Variants in UMPS observed in about 807,000 individuals in gnomAD.
The protein encoded by UMPS is uridine 5'-monophosphate synthase.
Under a neutral mutation model 38.9 loss-of-function variants are expected in UMPS, and 21 were observed. The observed-to-expected ratio is 0.54, with a 90% CI of 0.38 to 0.78. The LOEUF (loss-of-function observed/expected upper bound fraction) is 0.78, where lower values mean the gene tolerates loss of function less well. Among genes scored for constraint, UMPS ranks in the 30% least tolerant of loss-of-function variants. The pLI, the probability that UMPS is intolerant of heterozygous loss-of-function variation, is 0.00. For missense variants in UMPS, 533 were observed against 591.6 expected (o/e 0.90, Z 1.03); for synonymous variants, 208 against 219.3 (o/e 0.95, Z 0.45).
At chr3:124,736,740 G>C (rs1242283205) in intron 2 of UMPS, among the ~76,000 whole-genome samples, 5 of 152,172 alleles carry the variant, frequency 3.3e-5, no homozygotes, top group Admixed American at 2.0e-4. Flanking sequence ...GCAGTCTTGT[G>C]TTCTAGCTTA....
Position 124,744,016 on chromosome 3 carries a change from C to G in UMPS, c.1375C>G (p.Arg459Gly), listed in dbSNP as rs928740792. The G allele has an allele frequency of 1.2e-6, 2 of 1,614,064 alleles. No homozygotes were observed. The highest frequency in any genetic ancestry group is 1.7e-6 in the Non-Finnish European group (2 of 1,180,040). Residue 459 changes from arginine to glycine, a missense_variant, in exon 6 of 6, where the codon CGT becomes GGT. Arg to Gly is a moderately radical substitution (Grantham distance 125). Coordinates refer to ENST00000232607, the MANE Select transcript of UMPS (RefSeq NM_000373.4). ...VGRGIISAAD[R>G]LEAAEMYRKA... Reference sequence around the variant, plus strand: ...TCGTGGCATAATCTCAGCAGCTGATCGTCTGGAAGCAGCAGAGATGTACAG... The same window carrying G: ...TCGTGGCATAATCTCAGCAGCTGATGGTCTGGAAGCAGCAGAGATGTACAG...
rs190423326 is a variant in UMPS at position 124,747,348 on chromosome 3, G to A, written c.*3264G>A. On this transcript the variant is annotated 3_prime_UTR_variant, in exon 6 of 6. Transcript: ENST00000232607. Reference sequence around the variant, plus strand: ...CAGCCACAGGAGAGCCAACAGCAGAGGGTGCTGGCCGCTGAGCTAGCTGCT... The same window carrying A: ...CAGCCACAGGAGAGCCAACAGCAGAAGGTGCTGGCCGCTGAGCTAGCTGCT... 41 of 455,118 alleles carry A rather than the reference G, an allele frequency of 9.0e-5. No homozygotes were observed. Among genetic ancestry groups the A allele is most frequent in the African/African-American group, 6.0e-4 (30 of 50,146 alleles). The allele number at this position is 455,118 out of a possible 1,614,324, so 28.2% of individuals were successfully genotyped here. A position where few individuals can be genotyped will look rare whatever the true frequency, so the allele number is the denominator to read the frequency against.
At position 124,747,047 on chromosome 3, in the gene UMPS, G is replaced by C. The variant is rs2063606992; in HGVS notation, c.*2963G>C. 2.2e-6 allele frequency: 1 copy of C among 453,818 alleles called. No homozygotes were observed. Among genetic ancestry groups the C allele is most frequent in the South Asian group, 1.6e-5 (1 of 64,434 alleles). 28.1% of individuals were successfully genotyped at this position (453,818 alleles called of 1,614,324 possible). A position where few individuals can be genotyped will look rare whatever the true frequency, so the allele number is the denominator to read the frequency against. ...TTTGATACAGGGTCTTCACTCTGTT[G>C]CCCAGGCTGGAGTATATCATGGCTC... On this transcript the variant is annotated 3_prime_UTR_variant, in exon 6 of 6. Transcript: ENST00000232607.
Position 124,746,304 on chromosome 3 carries a change from A to C in UMPS, c.*2220A>C, listed in dbSNP as rs917170767. ...GTAGGTCCTTGTGCCCCACACCATC[A>C]GAGTTTCTGCGTTAGCAGATTTGTG... On this transcript the variant is annotated 3_prime_UTR_variant, in exon 6 of 6. Coordinates refer to ENST00000232607, the MANE Select transcript of UMPS (RefSeq NM_000373.4). The C allele has an allele frequency of 2.2e-6, 1 of 454,060 alleles. No individual in the cohort carries two copies. 28.1% of individuals were successfully genotyped at this position (454,060 alleles called of 1,614,324 possible).
rs1202900513 is a variant in UMPS, at chr3:124,747,587, A to G, written c.*3503A>G. 2 of 452,566 alleles carry G rather than the reference A, an allele frequency of 4.4e-6. No individual in the cohort carries two copies. Among genetic ancestry groups the G allele is most frequent in the Non-Finnish European group, 8.9e-6 (2 of 225,446 alleles). The allele number at this position is 452,566 out of a possible 1,614,324, so 28.0% of individuals were successfully genotyped here. A position where few individuals can be genotyped will look rare whatever the true frequency, so the allele number is the denominator to read the frequency against. On this transcript the variant is annotated 3_prime_UTR_variant, in exon 6 of 6. Transcript: ENST00000232607. ...TACTCCAGCCTCCCCCGTCCAATGT[A>G]TGAAAGCCCCAGCTGATCTGTAAGC...
intron 1 of UMPS, chr3:124,731,672 G>A: frequency 4.3e-6 from 1 of 233,256 alleles, no homozygotes. Context: ...TGAGGCGGGT[G>A]GATCACTTAA....
In UMPS at chr3:124,747,955, A is replaced by G. The variant is rs899236373; in HGVS notation, c.*3871A>G. On this transcript the variant is annotated 3_prime_UTR_variant, in exon 6 of 6. Coordinates refer to ENST00000232607, the MANE Select transcript of UMPS (RefSeq NM_000373.4). ...TTTGCCCCTTAACAGGTGGGTATGAATCGTGTCTTCAGTGCCAGGGCTGAA... is the reference window on the plus strand; with the variant it reads ...TTTGCCCCTTAACAGGTGGGTATGAGTCGTGTCTTCAGTGCCAGGGCTGAA... 6 of 453,862 alleles carry G rather than the reference A, an allele frequency of 1.3e-5. No homozygotes were observed. Among genetic ancestry groups the G allele is most frequent in the Admixed American group, 7.1e-5 (3 of 42,538 alleles). 28.1% of individuals were successfully genotyped at this position (453,862 alleles called of 1,614,324 possible).
At chr3:124,738,317 A>G in intron 3 of UMPS, 78 bp downstream of exon 3, 1 of 1,486,912 alleles carries the variant, frequency 6.7e-7, no homozygotes, top group Non-Finnish European at 9.2e-7. Context: ...TGCTCATGTC[A>G]TTGAAAGTCC....
Position 124,748,988 on chromosome 3 carries a change from TCGGGG to T in UMPS, c.*4905_*4909del. ...GGTTCTCATGAGGACAACCATGTCT[TCGGGG>T]GTGCCCTTGTGCACAGACAGCTCCA... On this transcript the variant is annotated 3_prime_UTR_variant, in exon 6 of 6. Transcript: ENST00000232607. 2.2e-6 allele frequency: 1 copy of T among 454,076 alleles called. No homozygotes were observed. Among genetic ancestry groups the T allele is most frequent in the Non-Finnish European group, 4.4e-6 (1 of 226,770 alleles). 28.1% of individuals were successfully genotyped at this position (454,076 alleles called of 1,614,324 possible). A position where few individuals can be genotyped will look rare whatever the true frequency, so the allele number is the denominator to read the frequency against.
intron 1 of UMPS, among the ~76,000 whole-genome samples, chr3:124,734,172 T>A (rs1389735399): frequency 6.6e-6 from 1 of 151,926 alleles, no homozygotes; most frequent in African/African-American, 2.4e-5. Context: ...TAGTCATAGT[T>A]TTTTTTTGTT....
chr3:124,743,465 A>G (rs933624536), intron 5 of UMPS, among the ~76,000 whole-genome samples: 5 of 150,008 alleles, frequency 3.3e-5, no homozygotes, highest in African/African-American at 4.9e-5. Context: ...GTGAAACTCC[A>G]TCTCTACTAA....
rs542714265 is a variant in UMPS, at chr3:124,746,166, C to G, written c.*2082C>G. The G allele has an allele frequency of 2.2e-6, 1 of 454,084 alleles. No individual in the cohort carries two copies. Among genetic ancestry groups the G allele is most frequent in the African/African-American group, 2.0e-5 (1 of 50,134 alleles). The allele number at this position is 454,084 out of a possible 1,614,324, so 28.1% of individuals were successfully genotyped here. On this transcript the variant is annotated 3_prime_UTR_variant, in exon 6 of 6. Coordinates refer to ENST00000232607, the MANE Select transcript of UMPS (RefSeq NM_000373.4). ...GTGGGCTCCTGCCATCTCCAGGACG[C>G]AGGCACTGTTCCTGTTGATGAACCC...
rs1559908860 is a variant in UMPS at position 124,745,414 on chromosome 3, A to G, written c.*1330A>G. The G allele has an allele frequency of 2.2e-6, 1 of 451,994 alleles. No homozygotes were observed. The highest frequency in any genetic ancestry group is 4.4e-6 in the Non-Finnish European group (1 of 226,524). 28.0% of individuals were successfully genotyped at this position (451,994 alleles called of 1,614,324 possible). A position where few individuals can be genotyped will look rare whatever the true frequency, so the allele number is the denominator to read the frequency against. The stretch of plus-strand genomic sequence containing the variant: ...AGAATCTCACTGTCGCCCAGGCTGG[A>G]GTTCAGTGGCACGATCTCGGCTCAC... On this transcript the variant is annotated 3_prime_UTR_variant, in exon 6 of 6. Transcript: ENST00000232607.
At chr3:124,734,965 G>T in intron 1 of UMPS, 128 bp from the exon 2 acceptor site, 1 of 819,072 alleles carries the variant, frequency 1.2e-6, no homozygotes, top group Non-Finnish European at 1.8e-6. Flanking sequence ...AGGTTGCAGT[G>T]AGCCGAGATC....
intron 4 of UMPS, 55 bp from the exon 5 acceptor site, chr3:124,742,097 T>A: frequency 7.4e-7 from 1 of 1,355,224 alleles, no homozygotes; most frequent in Non-Finnish European, 1.1e-6. Flanking sequence ...ATTTTTACTT[T>A]TATTCTGTGT....
In UMPS at chr3:124,747,130, G is replaced by A. The variant is rs1230157012; in HGVS notation, c.*3046G>A. On this transcript the variant is annotated 3_prime_UTR_variant, in exon 6 of 6. Transcript: ENST00000232607. Reference sequence around the variant, plus strand: ...CTCAAGTAGCTGGAACTACTCTCAAGTAGCTCTCAAGAGCCTCTCGAGTGG... The same window carrying A: ...CTCAAGTAGCTGGAACTACTCTCAAATAGCTCTCAAGAGCCTCTCGAGTGG... 2.2e-6 allele frequency: 1 copy of A among 453,992 alleles called. No individual in the cohort carries two copies. The highest frequency in any genetic ancestry group is 2.3e-5 in the Admixed American group (1 of 42,554). The allele number at this position is 453,992 out of a possible 1,614,324, so 28.1% of individuals were successfully genotyped here.
In UMPS at chr3:124,746,199, C is replaced by T. The variant is rs1467851621; in HGVS notation, c.*2115C>T. On this transcript the variant is annotated 3_prime_UTR_variant, in exon 6 of 6. Coordinates refer to ENST00000232607, the MANE Select transcript of UMPS (RefSeq NM_000373.4). Reference sequence around the variant, plus strand: ...GTTCCTGTTGATGAACCCTATTTCACAGGACCCCTGCTAAGGTGATTTGAG... The same window carrying T: ...GTTCCTGTTGATGAACCCTATTTCATAGGACCCCTGCTAAGGTGATTTGAG... 1 of 454,156 alleles carries T rather than the reference C, an allele frequency of 2.2e-6. No homozygotes were observed. Among genetic ancestry groups the T allele is most frequent in the South Asian group, 1.6e-5 (1 of 64,478 alleles). The allele number at this position is 454,156 out of a possible 1,614,324, so 28.1% of individuals were successfully genotyped here.
rs940361744 is a variant in UMPS at position 124,745,571 on chromosome 3, T to G, written c.*1487T>G. On this transcript the variant is annotated 3_prime_UTR_variant, in exon 6 of 6. Transcript: ENST00000232607. ...CTGAAGTTTTTACTTCAAGAGCTTC[T>G]GCTCTAAAGTCCAATTTGGGCTTCA... The G allele has an allele frequency of 4.4e-6, 2 of 454,098 alleles. No homozygotes were observed. The highest frequency in any genetic ancestry group is 8.8e-6 in the Non-Finnish European group (2 of 226,788). 28.1% of individuals were successfully genotyped at this position (454,098 alleles called of 1,614,324 possible). A position where few individuals can be genotyped will look rare whatever the true frequency, so the allele number is the denominator to read the frequency against.
chr3:124,733,985 T>G (rs891843746), intron 1 of UMPS, among the ~76,000 whole-genome samples: 1 of 152,208 alleles, frequency 6.6e-6, no homozygotes, highest in Admixed American at 6.5e-5. Context: ...ATGTAAAAAA[T>G]TTTAAACTTT....
Sources: gnomAD v4.1 joint callset for allele counts (sites outside exome capture counted in the v4.1 genomes callset) on GRCh38, gnomAD v4.1.1 for gene constraint, MANE v1.5 for transcripts, NCBI Gene and HGNC (gene_info 2026-07-23, HGNC 2026-07-21) for gene names.